Variants in FBXO7 observed in about 807,000 individuals in gnomAD.
FBXO7 encodes the protein F-box protein 7.
Under a neutral mutation model 50.2 loss-of-function variants are expected in FBXO7, and 31 were observed. The ratio of observed to expected loss-of-function variants is 0.62; its 90% CI spans 0.46 to 0.83. FBXO7 has a LOEUF of 0.83. FBXO7 is among the 40% of genes least tolerant of loss of function. The pLI is 0.00. For missense variants in FBXO7, 667 were observed against 646.6 expected (o/e 1.03, Z -0.34); for synonymous variants, 256 against 253.1 (o/e 1.01, Z -0.11).
chr22:32,478,911 G>A, intron 1 of FBXO7, 70 bp from the exon 2 acceptor site: 1 of 1,352,192 alleles, frequency 7.4e-7, no homozygotes, highest in South Asian at 1.2e-5. Flanking sequence ...ACTTATGTAT[G>A]CTTCAGATGT....
intron 7 of FBXO7, among the ~76,000 whole-genome samples, chr22:32,494,691 A>G (rs1318131027): frequency 1.3e-5 from 2 of 152,230 alleles, no homozygotes; most frequent in African/African-American, 4.8e-5. Context: ...AGCAACAAAT[A>G]CCCTTTCACT....
At position 32,498,603 on chromosome 22, in the gene FBXO7, G is replaced by T. The variant is rs1601521131; in HGVS notation, c.*73G>T. The T allele has an allele frequency of 1.3e-6, 2 of 1,508,642 alleles. No homozygotes were observed. The highest frequency in any genetic ancestry group is 2.7e-5 in the African/African-American group (2 of 72,934). The allele number at this position is 1,508,642 out of a possible 1,614,324, so 93.5% of individuals were successfully genotyped here. A position where few individuals can be genotyped will look rare whatever the true frequency, so the allele number is the denominator to read the frequency against. On this transcript the variant is annotated 3_prime_UTR_variant, in exon 9 of 9. Transcript: ENST00000266087. The stretch of plus-strand genomic sequence containing the variant: ...ACTACAGATGTCAACTCCTTGGGGT[G>T]CTGATCTCGAGTGTTATTTTCTGAT...
chr22:32,496,968 C>G (rs559044553), intron 8 of FBXO7, among the ~76,000 whole-genome samples: 43 of 152,066 alleles, frequency 2.8e-4, no homozygotes, highest in Admixed American at 5.2e-4. Flanking sequence ...GAAGTTGATT[C>G]CAATCCTCGT....
At chr22:32,475,529 G>A (rs1415199263) in intron 1 of FBXO7, 3 of 1,116,376 alleles carry the variant, frequency 2.7e-6, no homozygotes, top group Non-Finnish European at 3.8e-6. Context: ...TGGACTGTGA[G>A]GGGTCCGAGT....
intron 1 of FBXO7, chr22:32,475,649 G>A: frequency 2.0e-6 from 1 of 509,280 alleles, no homozygotes; most frequent in Non-Finnish European, 3.4e-6. Context: ...CTGCTGTGAA[G>A]CGGCAACAAT....
At chr22:32,479,749 A>G (rs538111942) in intron 2 of FBXO7, among the ~76,000 whole-genome samples, 2 of 152,126 alleles carry the variant, frequency 1.3e-5, no homozygotes, top group Non-Finnish European at 2.9e-5. Flanking sequence ...GCCTGTACCA[A>G]TATGGGGCTG....
chr22:32,498,188 GC>G lies in FBXO7; in HGVS notation c.1228del (p.Arg410GlyfsTer3). 6.2e-7 allele frequency: 1 copy of G among 1,614,150 alleles called. No homozygotes were observed. The highest frequency in any genetic ancestry group is 8.5e-7 in the Non-Finnish European group (1 of 1,180,020). ...HIQRKESPKG[R>X]FVMLLPSSTH... is the part of the protein sequence containing the mutation. ...TACAAAGAAAAGAATCCCCGAAAGG[GC>G]GGTTTGTGATGCTCCTGCCATCGTC... On this transcript the variant is annotated frameshift_variant, in exon 9 of 9. Transcript: ENST00000266087. LOFTEE classifies it low-confidence loss of function (END_TRUNC).
chr22:32,480,897 C>T (rs1221536960), intron 2 of FBXO7, among the ~76,000 whole-genome samples: 1 of 152,142 alleles, frequency 6.6e-6, no homozygotes, highest in Non-Finnish European at 1.5e-5. Flanking sequence ...AACTCCTGAC[C>T]TCAAGTGACC....
chr22:32,498,513 CG>C lies in FBXO7; in HGVS notation c.1554del (p.Leu519CysfsTer6). On this transcript the variant is annotated frameshift_variant, in exon 9 of 9. Coordinates refer to ENST00000266087, the MANE Select transcript of FBXO7 (RefSeq NM_012179.4). LOFTEE classifies it high-confidence loss of function. ...RPSRGRPTDG[R>X]LSFM is the part of the protein sequence containing the mutation. ...CAGCAGGGGTCGGCCAACTGATGGC[CG>C]GCTGTCATTCATGTGATTGATTTGT... is the stretch of plus-strand genomic sequence containing the variant. The C allele has an allele frequency of 6.2e-7, 1 of 1,613,556 alleles. No individual in the cohort carries two copies.
Position 32,498,516 on chromosome 22 carries a change from C to G in FBXO7, c.1555C>G (p.Leu519Val), listed in dbSNP as rs776951777. 3.7e-6 allele frequency: 6 copies of G among 1,613,326 alleles called. No individual in the cohort carries two copies. Among genetic ancestry groups the G allele is most frequent in the Non-Finnish European group, 5.1e-6 (6 of 1,180,014 alleles). The change falls in exon 9 of 9, where the codon CTG becomes GTG. Residue 519 changes from leucine to valine, a missense_variant. Leu to Val is a conservative substitution (Grantham distance 32). Transcript: ENST00000266087. Reference sequence around the variant, plus strand: ...CAGGGGTCGGCCAACTGATGGCCGGCTGTCATTCATGTGATTGATTTGTAA... The same window carrying G: ...CAGGGGTCGGCCAACTGATGGCCGGGTGTCATTCATGTGATTGATTTGTAA... The part of the protein sequence containing the change: ...PSRGRPTDGR[L>V]SFM
intron 8 of FBXO7, among the ~76,000 whole-genome samples, chr22:32,495,939 G>A (rs1258184033): frequency 2.0e-5 from 3 of 152,220 alleles, no homozygotes; most frequent in Non-Finnish European, 4.4e-5. Context: ...TGGAAAAGCT[G>A]CTGCAAGTTA....
intron 1 of FBXO7, chr22:32,475,439 G>C (rs767076914): frequency 1.2e-6 from 2 of 1,607,358 alleles, no homozygotes; most frequent in South Asian, 2.2e-5. Flanking sequence ...CGGAACCAGG[G>C]AGAGGAGGGA....
At chr22:32,483,254 TTG>T (rs1165308016) in intron 2 of FBXO7, among the ~76,000 whole-genome samples, 1 of 152,212 alleles carries the variant, frequency 6.6e-6, no homozygotes, top group Non-Finnish European at 1.5e-5. Context: ...ATAGTGTATT[TTG>T]TGAATATGGA....
chr22:32,495,854 A>G (rs1301412464), intron 8 of FBXO7, among the ~76,000 whole-genome samples: 1 of 152,246 alleles, frequency 6.6e-6, no homozygotes, highest in Non-Finnish European at 1.5e-5. Flanking sequence ...TGAAAAGAAT[A>G]TATTGTATTG....
chr22:32,497,861 C>G (rs749249170), intron 8 of FBXO7, among the ~76,000 whole-genome samples: 6 of 152,206 alleles, frequency 3.9e-5, no homozygotes, highest in Non-Finnish European at 5.9e-5. Flanking sequence ...TTGCTAAAGG[C>G]TCAGGTGATT....
chr22:32,486,842 A>G (rs967335882), intron 4 of FBXO7, among the ~76,000 whole-genome samples: 2 of 152,208 alleles, frequency 1.3e-5, no homozygotes, highest in African/African-American at 2.4e-5. Flanking sequence ...CAGAGTGTCA[A>G]CAGTTTCTGC....
chr22:32,475,423 A>C, intron 1 of FBXO7: 2 of 1,610,352 alleles, frequency 1.2e-6, no homozygotes, highest in Non-Finnish European at 1.7e-6. Flanking sequence ...CTGGTTTTGC[A>C]GTAAACGGAA....
chr22:32,474,924 G>T lies in FBXO7; in HGVS notation c.-79G>T. 6 of 1,388,632 alleles carry T rather than the reference G, an allele frequency of 4.3e-6. No individual in the cohort carries two copies. The highest frequency in any genetic ancestry group is 5.7e-6 in the Non-Finnish European group (6 of 1,048,402). 86.0% of individuals were successfully genotyped at this position (1,388,632 alleles called of 1,614,324 possible). A position where few individuals can be genotyped will look rare whatever the true frequency, so the allele number is the denominator to read the frequency against. Reference sequence around the variant, plus strand: ...CGCCAGTCCGGGGTCGTCGCCGTTTGGGGCGGGAGCTGCTCGGCCCCGCCG... The same window carrying T: ...CGCCAGTCCGGGGTCGTCGCCGTTTTGGGCGGGAGCTGCTCGGCCCCGCCG... On this transcript the variant is annotated 5_prime_UTR_variant, in exon 1 of 9. Transcript: ENST00000266087.
At position 32,475,067 on chromosome 22, in the gene FBXO7, C is replaced by T. The variant is rs121918305; in HGVS notation, c.65C>T (p.Thr22Met). 7 of 1,546,034 alleles carry T rather than the reference C, an allele frequency of 4.5e-6. No individual in the cohort carries two copies. Among genetic ancestry groups the T allele is most frequent in the Non-Finnish European group, 5.2e-6 (6 of 1,146,052 alleles). ...WPLEVPETEP[T>M]LGHLRSHLRQ... Reference sequence around the variant, plus strand: ...CTGGAGGTGCCCGAGACGGAGCCGACGCTGGGGCATTTGCGCTCGCACCTG... The same window carrying T: ...CTGGAGGTGCCCGAGACGGAGCCGATGCTGGGGCATTTGCGCTCGCACCTG... Residue 22 changes from threonine (T) to methionine (M), a missense_variant, in exon 1 of 9, where the codon ACG becomes ATG. Thr to Met is a moderately conservative substitution (Grantham distance 81). Transcript: ENST00000266087.
Sources: gnomAD v4.1 joint callset for allele counts (sites outside exome capture counted in the v4.1 genomes callset) on GRCh38, gnomAD v4.1.1 for gene constraint, MANE v1.5 for transcripts, NCBI Gene and HGNC (gene_info 2026-07-23, HGNC 2026-07-21) for gene names.